Variants in DLGAP2 observed in about 807,000 individuals in gnomAD.
The protein encoded by DLGAP2 is disks large-associated protein 2.
In DLGAP2, 26 loss-of-function variants were observed where a neutral mutation model predicts 100.3. The ratio of observed to expected loss-of-function variants is 0.26; its 90% CI spans 0.19 to 0.36. The LOEUF (loss-of-function observed/expected upper bound fraction) is 0.36. DLGAP2 is among the 10% of genes least tolerant of loss of function. The pLI is 1.00. For missense variants in DLGAP2, 1,858 were observed against 1,453.2 expected, an observed-to-expected ratio of 1.28 and a Z score of -4.53; for synonymous variants, 886 against 630.1, an observed-to-expected ratio of 1.41 and a Z score of -6.08.
chr8:1,273,310 G>A (rs989588955), intron 3 of DLGAP2, among the ~76,000 whole-genome samples: 3 of 152,182 alleles, frequency 2.0e-5, no homozygotes, highest in East Asian at 1.9e-4. Context: ...CTCTGAGAGA[G>A]CCCTGCTGGG....
At chr8:1,591,134 G>A (rs1223869693) in intron 6 of DLGAP2, among the ~76,000 whole-genome samples, 1 of 152,164 alleles carries the variant, frequency 6.6e-6, no homozygotes, top group Non-Finnish European at 1.5e-5. Flanking sequence ...GAAGACACCA[G>A]CCCTTAGCCC....
intron 2 of DLGAP2, among the ~76,000 whole-genome samples, chr8:1,068,826 C>G (rs1803337783): frequency 6.6e-6 from 1 of 152,098 alleles, no homozygotes; most frequent in Non-Finnish European, 1.5e-5. Context: ...GGCTTTTTCT[C>G]CAGCCCATCC....
At chr8:915,743 G>A (rs1298862514) in intron 2 of DLGAP2, among the ~76,000 whole-genome samples, 3 of 151,834 alleles carry the variant, frequency 2.0e-5, no homozygotes, top group Non-Finnish European at 4.4e-5. Context: ...CTGTCCGTCC[G>A]TCAGTTCACC....
At chr8:1,564,349 C>T (rs1477826852) in intron 5 of DLGAP2, among the ~76,000 whole-genome samples, 1 of 152,156 alleles carries the variant, frequency 6.6e-6, no homozygotes, top group Non-Finnish European at 1.5e-5. Flanking sequence ...TGGATGGAAA[C>T]AGAATACTGG....
intron 1 of DLGAP2, among the ~76,000 whole-genome samples, chr8:759,600 G>A (rs1821027014): frequency 6.6e-6 from 1 of 151,892 alleles, no homozygotes; most frequent in South Asian, 2.1e-4. Flanking sequence ...CTCCCCCCTG[G>A]GCTGCACGTT....
chr8:1,019,497 T>G (rs1265614611), intron 2 of DLGAP2: 1 of 151,684 alleles, frequency 6.6e-6, no homozygotes, highest in East Asian at 2.0e-4. Flanking sequence ...CACATCTGCT[T>G]CTGGAGCACA....
At chr8:1,076,890 G>A (rs1173756246) in intron 2 of DLGAP2, among the ~76,000 whole-genome samples, 2 of 146,330 alleles carry the variant, frequency 1.4e-5, no homozygotes, top group African/African-American at 2.6e-5. Context: ...AGGGGGAGGA[G>A]GAGTCTGTCC....
Position 1,114,036 on chromosome 8 carries a change from G to A in DLGAP2, c.74-144815G>A, listed in dbSNP as rs543856191. ...GTATGTTGAACCAACCTTGCATCCAGGAGATGAAGCCTACTTGATTGTGGT... is the reference window on the plus strand; with the variant it reads ...GTATGTTGAACCAACCTTGCATCCAAGAGATGAAGCCTACTTGATTGTGGT... On this transcript the variant is annotated intron_variant, in intron 2 of 14. Coordinates refer to ENST00000637795, the MANE Select transcript of DLGAP2 (RefSeq NM_001346810.2). Among the ~76,000 whole-genome samples, 7 of 152,292 alleles carry A rather than the reference G, an allele frequency of 4.6e-5. No homozygotes were observed. In the East Asian group the frequency reaches 1.4e-3, roughly 29 times the overall value.
At chr8:1,446,396 G>C (rs1797987161) in intron 3 of DLGAP2, among the ~76,000 whole-genome samples, 1 of 152,090 alleles carries the variant, frequency 6.6e-6, no homozygotes, top group South Asian at 2.1e-4. Context: ...AAGATCAGAT[G>C]GTTGTAGATA....
intron 1 of DLGAP2, among the ~76,000 whole-genome samples, chr8:791,585 A>G (rs1347863387): frequency 5.3e-5 from 8 of 152,204 alleles, no homozygotes; most frequent in Admixed American, 3.9e-4. Flanking sequence ...CCACATTTCG[A>G]TTCTAACATA....
chr8:795,956 C>CGTGCAGTGAGAGCAGCT (rs1796023474), intron 1 of DLGAP2, among the ~76,000 whole-genome samples: 1 of 26,738 alleles, frequency 3.7e-5, no homozygotes, highest in Non-Finnish European at 9.0e-5. Context: ...TGAGAGCAGG[C>CGTGCAGTGAGAGCAGCT]GTCCAGTGAG....
chr8:1,063,986 A>G (rs1373643952), intron 2 of DLGAP2, among the ~76,000 whole-genome samples: 1 of 152,176 alleles, frequency 6.6e-6, no homozygotes, highest in African/African-American at 2.4e-5. Flanking sequence ...CATGCCATTC[A>G]TACATTTATA....
At chr8:1,023,857 A>ATGTGTGTG (rs149206104) in intron 2 of DLGAP2, among the ~76,000 whole-genome samples, 4,893 of 128,864 alleles carry the variant, frequency 0.038, 157 homozygotes, top group South Asian at 0.086. Context: ...AACTTTATAT[A>ATGTGTGTG]TGTGTGTGTG....
intron 3 of DLGAP2, among the ~76,000 whole-genome samples, chr8:1,293,374 C>T (rs978620626): frequency 2.0e-5 from 3 of 150,802 alleles, no homozygotes; most frequent in Non-Finnish European, 4.4e-5. Context: ...TCTGGGCTCC[C>T]GGACGGCTGA....
At chr8:797,439 G>A (rs1016649570) in intron 1 of DLGAP2, among the ~76,000 whole-genome samples, 13 of 152,274 alleles carry the variant, frequency 8.5e-5, no homozygotes, top group South Asian at 8.3e-4. Context: ...GCCACATTTC[G>A]CCTTTCCATT....
At chr8:1,052,271 T>C (rs1436490768) in intron 2 of DLGAP2, among the ~76,000 whole-genome samples, 1 of 152,236 alleles carries the variant, frequency 6.6e-6, no homozygotes, top group Non-Finnish European at 1.5e-5. Flanking sequence ...CATTCAGCTG[T>C]TTCTTCCTCC....
intron 8 of DLGAP2, among the ~76,000 whole-genome samples, chr8:1,639,364 G>C (rs916107985): frequency 6.6e-6 from 1 of 152,190 alleles, no homozygotes; most frequent in Non-Finnish European, 1.5e-5. Context: ...TGGGAACAGA[G>C]GCTGTCCCTG....
intron 6 of DLGAP2, among the ~76,000 whole-genome samples, chr8:1,573,261 A>G: frequency 8.8e-6 from 1 of 113,924 alleles, no homozygotes. Context: ...TGGGATGGAG[A>G]GGAGAGAGGG....
intron 1 of DLGAP2, among the ~76,000 whole-genome samples, chr8:827,999 G>T (rs1193215138): frequency 6.6e-6 from 1 of 152,110 alleles, no homozygotes; most frequent in Non-Finnish European, 1.5e-5. Flanking sequence ...TCTTTATTAG[G>T]GATTTTCAAA....
Sources: gnomAD v4.1 joint callset for allele counts (sites outside exome capture counted in the v4.1 genomes callset) on GRCh38, gnomAD v4.1.1 for gene constraint, MANE v1.5 for transcripts, NCBI Gene and HGNC (gene_info 2026-07-23, HGNC 2026-07-21) for gene names.